TMEM236: variants seen among roughly 807,000 people sequenced by gnomAD.
The protein encoded by TMEM236 is transmembrane protein 236, also known as family with sequence similarity 23, member A.
TMEM236 carries 11 observed loss-of-function variants against 14.7 expected under a neutral mutation model. The observed-to-expected ratio is 0.75, with a 90% CI of 0.47 to 1.24. The LOEUF (loss-of-function observed/expected upper bound fraction) is 1.24. Ranked by LOEUF, TMEM236 falls within the 50% of genes most tolerant of loss-of-function variation. TMEM236 has a pLI of 0.00. For synonymous variants in TMEM236, 182 were observed against 168.6 expected (o/e 1.08, Z -0.62); for missense variants, 464 against 427.3 (o/e 1.09, Z -0.76).
At chr10:17,769,780 G>T (rs1032016408) in intron 1 of TMEM236, among the ~76,000 whole-genome samples, 1 of 152,126 alleles carries the variant, frequency 6.6e-6, no homozygotes, top group Non-Finnish European at 1.5e-5. Context: ...GTGCTGGGAT[G>T]GGGGAGGCAA....
At chr10:17,775,565 C>T (rs1837646231) in intron 2 of TMEM236, among the ~76,000 whole-genome samples, 1 of 152,258 alleles carries the variant, frequency 6.6e-6, no homozygotes. Flanking sequence ...TGAGCCACCA[C>T]ACCTGGCCTT....
intron 2 of TMEM236, among the ~76,000 whole-genome samples, chr10:17,774,836 G>A (rs944025366): frequency 1.0e-5 from 1 of 99,962 alleles, no homozygotes; most frequent in Non-Finnish European, 2.2e-5. Context: ...CTCTCACTCT[G>A]TTGCCCAGGC....
chr10:17,775,694 C>G (rs879955374), intron 2 of TMEM236, among the ~76,000 whole-genome samples: 4 of 152,220 alleles, frequency 2.6e-5, no homozygotes, highest in Admixed American at 6.5e-5. Flanking sequence ...TCTTCTAGCT[C>G]TTTGAGGCTG....
intron 1 of TMEM236, among the ~76,000 whole-genome samples, chr10:17,770,431 T>C (rs1333948525): frequency 2.0e-5 from 3 of 152,198 alleles, no homozygotes; most frequent in Non-Finnish European, 4.4e-5. Flanking sequence ...TCGCCCAGGC[T>C]GGAGTGCAGT....
intron 3 of TMEM236, among the ~76,000 whole-genome samples, chr10:17,781,861 A>T (rs1837756828): frequency 6.6e-6 from 1 of 151,538 alleles, no homozygotes; most frequent in Non-Finnish European, 1.5e-5. Context: ...TGTGTTTAAG[A>T]GTTGATGTTT....
At chr10:17,768,085 G>GT (rs1181734908) in intron 1 of TMEM236, among the ~76,000 whole-genome samples, 12,876 of 97,110 alleles carry the variant, frequency 0.13, 1,283 homozygotes, top group East Asian at 0.16. Flanking sequence ...TAATTTTTGT[G>GT]GTTTTTTTTT....
intron 2 of TMEM236, among the ~76,000 whole-genome samples, chr10:17,774,029 T>TTTTTTG (rs1469948197): frequency 5.2e-5 from 7 of 133,494 alleles, no homozygotes; most frequent in Non-Finnish European, 8.4e-5. Flanking sequence ...ATATATATAT[T>TTTTTTG]TTTGTTTGTT....
intron 3 of TMEM236, among the ~76,000 whole-genome samples, chr10:17,780,557 TG>T (rs1256219381): frequency 6.6e-6 from 1 of 152,078 alleles, no homozygotes; most frequent in Non-Finnish European, 1.5e-5. Context: ...GGGAAGATCT[TG>T]GGTTTGCAGG....
At position 17,796,649 on chromosome 10, in the gene TMEM236, T is replaced by A; in HGVS notation, c.*145T>A. On this transcript the variant is annotated 3_prime_UTR_variant, in exon 4 of 4. Transcript: ENST00000377495. ...TAAGCCATTTTTACTAACTCTAGCA[T>A]ATCAGTTTTTTTTTTTACATATACA... 1.5e-6 allele frequency: 1 copy of A among 671,562 alleles called. No individual in the cohort carries two copies. Among genetic ancestry groups the A allele is most frequent in the Non-Finnish European group, 2.4e-6 (1 of 410,454 alleles). 41.6% of individuals were successfully genotyped at this position (671,562 alleles called of 1,614,324 possible). A position where few individuals can be genotyped will look rare whatever the true frequency, so the allele number is the denominator to read the frequency against.
chr10:17,767,955 G>T (rs2131746466), intron 1 of TMEM236, among the ~76,000 whole-genome samples: 1 of 150,528 alleles, frequency 6.6e-6, no homozygotes, highest in African/African-American at 2.4e-5. Flanking sequence ...TGTCACCCAG[G>T]CTGGAGTGCA....
At chr10:17,794,861 C>T (rs1837985074) in intron 3 of TMEM236, among the ~76,000 whole-genome samples, 1 of 152,012 alleles carries the variant, frequency 6.6e-6, no homozygotes, top group African/African-American at 2.4e-5. Context: ...AACATGGAAA[C>T]CCCGTCTCTA....
chr10:17,771,344 C>T lies in TMEM236; in HGVS notation c.293C>T (p.Thr98Ile). The T allele has an allele frequency of 6.2e-7, 1 of 1,613,972 alleles. No homozygotes were observed. ...CTGATGATGTGTGTGGTCCTCACCA[C>T]ACTGCCCTGCCTCACCTTTTCCATA... ...PVLMMCVVLT[T>I]LPCLTFSIAV... Residue 98 changes from threonine (T) to isoleucine (I), a missense_variant, in exon 2 of 4, where the codon ACA (threonine) becomes ATA (isoleucine). By Grantham distance (89) the Thr-to-Ile change is moderately conservative (BLOSUM62 -1). Coordinates refer to ENST00000377495, the MANE Select transcript of TMEM236 (RefSeq NM_001098844.3).
At chr10:17,779,582 T>A (rs1008427446) in intron 3 of TMEM236, among the ~76,000 whole-genome samples, 1 of 152,110 alleles carries the variant, frequency 6.6e-6, no homozygotes, top group African/African-American at 2.4e-5. Context: ...GGCTAATTTT[T>A]GTATTTTTAG....
intron 1 of TMEM236, among the ~76,000 whole-genome samples, chr10:17,770,195 A>C (rs1231730535): frequency 1.3e-5 from 2 of 152,160 alleles, no homozygotes; most frequent in Non-Finnish European, 2.9e-5. Flanking sequence ...TGGAGAAATT[A>C]ATAATTTGAA....
chr10:17,778,320 T>C (rs1253658379), intron 3 of TMEM236, among the ~76,000 whole-genome samples: 4 of 152,246 alleles, frequency 2.6e-5, no homozygotes, highest in African/African-American at 9.6e-5. Flanking sequence ...TCATACATGC[T>C]TTTAATTTGT....
chr10:17,775,092 C>T (rs1837638048), intron 2 of TMEM236, among the ~76,000 whole-genome samples: 1 of 152,140 alleles, frequency 6.6e-6, no homozygotes, highest in Non-Finnish European at 1.5e-5. Context: ...TGAACCACTG[C>T]AACCAGCCTA....
intron 3 of TMEM236, among the ~76,000 whole-genome samples, chr10:17,781,110 G>A (rs1837740417): frequency 1.3e-5 from 2 of 152,288 alleles, no homozygotes; most frequent in South Asian, 2.1e-4. Context: ...AGTCCCAGGT[G>A]GCCTTTTCCT....
Position 17,799,038 on chromosome 10 carries a change from A to T in TMEM236, c.*2534A>T, listed in dbSNP as rs1286563446. On this transcript the variant is annotated 3_prime_UTR_variant, in exon 4 of 4. Transcript: ENST00000377495. ...AGACTATACTTTTTCATCGAGGAGTATTGTATTCAAAAGTGATCGATCTGC... is the reference window on the plus strand; with the variant it reads ...AGACTATACTTTTTCATCGAGGAGTTTTGTATTCAAAAGTGATCGATCTGC... The T allele has an allele frequency of 4.0e-6, 1 of 249,134 alleles. No homozygotes were observed. Among genetic ancestry groups the T allele is most frequent in the African/African-American group, 2.3e-5 (1 of 43,708 alleles). The allele number at this position is 249,134 out of a possible 1,614,324, so 15.4% of individuals were successfully genotyped here. A position where few individuals can be genotyped will look rare whatever the true frequency, so the allele number is the denominator to read the frequency against.
At chr10:17,760,307 TA>T (rs1476729416) in intron 1 of TMEM236, among the ~76,000 whole-genome samples, 1 of 152,092 alleles carries the variant, frequency 6.6e-6, no homozygotes, top group Non-Finnish European at 1.5e-5. Flanking sequence ...AAAAATCATA[TA>T]TTTTTGTCCT....
Sources: allele counts gnomAD v4.1 joint callset (sites outside exome capture counted in the v4.1 genomes callset), GRCh38; gene constraint gnomAD v4.1.1; transcripts MANE v1.5; gene names NCBI Gene and HGNC (gene_info 2026-07-23, HGNC 2026-07-21).